Variants in NID2 observed in about 807,000 individuals in gnomAD.
NID2 encodes the protein nidogen-2.
A neutral mutation model predicts 145.4 loss-of-function variants in NID2; 83 were observed. The observed-to-expected ratio is 0.57, with a 90% CI of 0.48 to 0.69. The LOEUF is 0.69. Among genes scored for constraint, NID2 ranks in the 30% least tolerant of loss-of-function variants. The probability of loss-of-function intolerance (pLI) is 0.00; values close to 1 mark genes in which losing one functional copy is unlikely to be tolerated. For missense variants in NID2, 1,807 were observed against 1,765.7 expected (o/e 1.02, Z -0.42); for synonymous variants, 739 against 701.3 (o/e 1.05, Z -0.85).
At chr14:52,008,645 A>T (rs1383503247) in intron 18 of NID2, 3 of 152,180 alleles carry the variant, frequency 2.0e-5, no homozygotes, top group Non-Finnish European at 2.9e-5. Context: ...CCTGCCTCCA[A>T]GATACCCCTT....
intron 9 of NID2, among the ~76,000 whole-genome samples, chr14:52,033,460 G>A (rs2073622): frequency 0.47 from 71,687 of 151,724 alleles, 17,302 homozygotes; most frequent in East Asian, 0.68. Context: ...TCAAACAACT[G>A]GTGGGGGGTG....
At chr14:52,033,737 G>C (rs1054201564) in intron 9 of NID2, among the ~76,000 whole-genome samples, 2 of 152,156 alleles carry the variant, frequency 1.3e-5, no homozygotes, top group African/African-American at 4.8e-5. Context: ...CTCCTATTCA[G>C]GTAGAATGAA....
chr14:52,031,164 G>A (rs1566756425), intron 9 of NID2, among the ~76,000 whole-genome samples: 1 of 152,170 alleles, frequency 6.6e-6, no homozygotes, highest in Non-Finnish European at 1.5e-5. Context: ...ATGGCACAGA[G>A]GTATTGGAAG....
At chr14:52,065,523 C>A in intron 2 of NID2, among the ~76,000 whole-genome samples, 1 of 100,154 alleles carries the variant, frequency 1.0e-5, no homozygotes, top group African/African-American at 4.4e-5. Context: ...TTTTATTATA[C>A]TCTAAGTTTT....
rs114359339 is a variant in NID2 at position 52,024,580 on chromosome 14, C to A, written c.2674+2621G>T. Among the ~76,000 whole-genome samples the A allele has an allele frequency of 3.4e-3, 513 of 152,226 alleles. 3 individuals are homozygous for A. The highest frequency in any genetic ancestry group is 0.012 in the African/African-American group (492 of 41,536). ...GGACCCAGCTGAGCCATTCCCAGGT[C>A]CCTGGACCACTGATATTAAATGTCT... On this transcript the variant is annotated intron_variant, in intron 12 of 21. Transcript: ENST00000216286.
chr14:52,020,297 G>C, intron 12 of NID2, 119 bp from the exon 13 acceptor site: 1 of 1,494,914 alleles, frequency 6.7e-7, no homozygotes, highest in Non-Finnish European at 8.9e-7. Flanking sequence ...GTCAGCTTCA[G>C]AAGACCTTTG....
intron 18 of NID2, chr14:52,008,252 G>T (rs944884656): frequency 3.5e-6 from 1 of 285,652 alleles, no homozygotes; most frequent in Non-Finnish European, 6.6e-6. Flanking sequence ...AAGCTACCCT[G>T]TAAAGGGGAA....
rs746047582 is a variant in NID2 at position 52,053,851 on chromosome 14, C to T, written c.1157G>A (p.Trp386Ter). 1.9e-6 allele frequency: 3 copies of T among 1,614,150 alleles called. No homozygotes were observed. The highest frequency in any genetic ancestry group is 2.5e-6 in the Non-Finnish European group (3 of 1,180,020). Residue 386 changes from tryptophan to a stop codon, truncating the protein, a stop_gained, in exon 5 of 22, where the codon TGG becomes TAG. Transcript: ENST00000216286. LOFTEE classifies it high-confidence loss of function. ...GPDLKGQVEP[W>*]DERETRSPAP... ...TGGGCTTCTGGTCTCTCTCTCATCC[C>T]AGGGCTCAACTTGGCCTTTTAAATC... is the stretch of plus-strand genomic sequence containing the variant.
chr14:52,026,049 C>T (rs1304562863), intron 12 of NID2, among the ~76,000 whole-genome samples: 1 of 152,114 alleles, frequency 6.6e-6, no homozygotes, highest in Non-Finnish European at 1.5e-5. Flanking sequence ...GGCTCAGAAA[C>T]CACCATGTGC....
chr14:52,024,912 G>A (rs904189352), intron 12 of NID2, among the ~76,000 whole-genome samples: 2 of 152,166 alleles, frequency 1.3e-5, no homozygotes, highest in Admixed American at 1.3e-4. Context: ...GAGAATCATT[G>A]TAGAAGTGAT....
intron 3 of NID2, among the ~76,000 whole-genome samples, chr14:52,056,643 A>G (rs1172494954): frequency 2.6e-5 from 4 of 152,048 alleles, no homozygotes; most frequent in Non-Finnish European, 4.4e-5. Context: ...TACAAAAAAA[A>G]TAGTCAGGTG....
intron 7 of NID2, 105 bp from the exon 8 acceptor site, chr14:52,040,956 C>T (rs1892260204): frequency 1.0e-6 from 1 of 963,086 alleles, no homozygotes; most frequent in South Asian, 1.4e-5. Flanking sequence ...GGAGATCGTG[C>T]CTAAGGAGAT....
rs1483428799 is a variant in NID2, at chr14:52,019,310, C to T, written c.2795-16G>A. On this transcript the variant is annotated splice_polypyrimidine_tract_variant and intron_variant, in intron 13 of 21. Transcript: ENST00000216286. ...GAGGTGGAGTCTTCCAGGATCAAGGCAGAGGAAGACACAAAAGAGAAATAG... is the reference window on the plus strand; with the variant it reads ...GAGGTGGAGTCTTCCAGGATCAAGGTAGAGGAAGACACAAAAGAGAAATAG... 6.5e-7 allele frequency: 1 copy of T among 1,549,366 alleles called. No homozygotes were observed. Among genetic ancestry groups the T allele is most frequent in the South Asian group, 1.2e-5 (1 of 83,116 alleles).
intron 12 of NID2, among the ~76,000 whole-genome samples, chr14:52,020,797 A>G (rs61971553): frequency 0.24 from 36,456 of 152,112 alleles, 4,429 homozygotes; most frequent in African/African-American, 0.25. Context: ...GGGTTTTGAA[A>G]TAATACTTAC....
At chr14:52,063,834 C>T (rs530242487) in intron 2 of NID2, among the ~76,000 whole-genome samples, 58 of 152,238 alleles carry the variant, frequency 3.8e-4, no homozygotes, top group Middle Eastern at 3.4e-3. Flanking sequence ...GGGGGACTGT[C>T]CCTCATTTAT....
In NID2 at chr14:52,019,285, G is replaced by A. The variant is rs2140360458; in HGVS notation, c.2804C>T (p.Ser935Leu). 3 of 1,585,598 alleles carry A rather than the reference G, an allele frequency of 1.9e-6. No homozygotes were observed. Among genetic ancestry groups the A allele is most frequent in the Non-Finnish European group, 2.6e-6 (3 of 1,158,402 alleles). Residue 935 changes from serine (S) to leucine (L), a missense_variant, in exon 14 of 22, where the codon TCA becomes TTA. Transcript: ENST00000216286. Reference protein sequence around the residue: ...DGFQCIPDSTSSLTPCEQQQR... With the variant: ...DGFQCIPDSTLSLTPCEQQQR... Reference sequence around the variant, plus strand: ...CTGTTGTTCACAGGGTGTCAGGCTTGAGGTGGAGTCTTCCAGGATCAAGGC... The same window carrying A: ...CTGTTGTTCACAGGGTGTCAGGCTTAAGGTGGAGTCTTCCAGGATCAAGGC...
In NID2 at chr14:52,043,077, C is replaced by G. The variant is rs919402792; in HGVS notation, c.1430-146G>C. 1.5e-5 allele frequency: 11 copies of G among 738,906 alleles called. No individual in the cohort carries two copies. The African/African-American group carries it at 2.0e-4, about 13-fold the overall frequency. 45.8% of individuals were successfully genotyped at this position (738,906 alleles called of 1,614,324 possible). A position where few individuals can be genotyped will look rare whatever the true frequency, so the allele number is the denominator to read the frequency against. On this transcript the variant is annotated intron_variant, in intron 5 of 21. Coordinates refer to ENST00000216286, the MANE Select transcript of NID2 (RefSeq NM_007361.4). ...TTAAGAGACCGGCATAACATTCAAC[C>G]CAAGGGAATTAATCTGCTTTGTCTG...
intron 18 of NID2, chr14:52,009,693 A>C (rs1160013821): frequency 6.6e-6 from 1 of 152,178 alleles, no homozygotes; most frequent in African/African-American, 2.4e-5. Context: ...TTTTCAGGTC[A>C]AGCACCAAGA....
intron 19 of NID2, 50 bp from the exon 20 acceptor site, chr14:52,006,710 A>ATGATAGTGATATAG: frequency 3.7e-6 from 6 of 1,603,590 alleles, no homozygotes; most frequent in Non-Finnish European, 5.1e-6. Context: ...TTTGCCAAAA[A>ATGATAGTGATATAG]TGATAGTGAC....
Sources: allele counts gnomAD v4.1 joint callset (sites outside exome capture counted in the v4.1 genomes callset), GRCh38; gene constraint gnomAD v4.1.1; transcripts MANE v1.5; gene names NCBI Gene and HGNC (gene_info 2026-07-23, HGNC 2026-07-21).